TDRD12: variants seen among roughly 807,000 people sequenced by gnomAD.
TDRD12 encodes tudor domain containing 12, also known as putative ATP-dependent RNA helicase TDRD12.
TDRD12 carries 158 observed loss-of-function variants against 133.5 expected under a neutral mutation model. That is an observed-to-expected ratio of 1.18 (90% CI 1.04 to 1.35). The LOEUF is 1.35. Among genes scored for constraint, TDRD12 ranks in the 40% most tolerant of loss-of-function variants. The pLI, the probability that TDRD12 is intolerant of heterozygous loss-of-function variation, is 0.00. For missense variants in TDRD12, 1,443 were observed against 1,321.3 expected (o/e 1.09, Z -1.43); for synonymous variants, 460 against 477.9 (o/e 0.96, Z 0.49).
At chr19:32,731,695 T>C (rs748114602) in intron 1 of TDRD12, 30 bp from the exon 2 acceptor site, 1 of 1,514,588 alleles carries the variant, frequency 6.6e-7, no homozygotes, top group Non-Finnish European at 8.8e-7. Context: ...AATCATACGC[T>C]GTTCTGTTTG....
At chr19:32,813,601 A>G in intron 24 of TDRD12, 83 bp from the exon 25 acceptor site, 1 of 730,470 alleles carries the variant, frequency 1.4e-6, no homozygotes, top group South Asian at 1.8e-5. Flanking sequence ...AATGCATGGA[A>G]TATTTTGCAA....
At chr19:32,797,844 T>C (rs775338714) in exon 15 of TDRD12, 8 of 702,048 alleles carry the variant, frequency 1.1e-5, no homozygotes, top group South Asian at 4.5e-5. Flanking sequence ...CTATTAACAA[T>C]TGGGCTCCAT....
chr19:32,818,101 A>C (rs1323386362), exon 27 of TDRD12: 1 of 702,756 alleles, frequency 1.4e-6, no homozygotes, highest in Non-Finnish European at 2.6e-6. Context: ...CGAGGGTGAC[A>C]GGGACCAGTC....
chr19:32,812,687 A>G (rs1171843084), intron 24 of TDRD12, among the ~76,000 whole-genome samples: 1 of 152,224 alleles, frequency 6.6e-6, no homozygotes, highest in African/African-American at 2.4e-5. Context: ...TGACTGACCA[A>G]AAGTATTTCT....
At chr19:32,808,853 T>A (rs1966903084) in intron 22 of TDRD12, among the ~76,000 whole-genome samples, 1 of 152,226 alleles carries the variant, frequency 6.6e-6, no homozygotes, top group South Asian at 2.1e-4. Flanking sequence ...AAGGTTATAG[T>A]TTTGATCTGT....
At chr19:32,806,581 ATCCGCCC>A (rs1971557200) in intron 21 of TDRD12, among the ~76,000 whole-genome samples, 1 of 151,952 alleles carries the variant, frequency 6.6e-6, no homozygotes, top group South Asian at 2.1e-4. Flanking sequence ...ACCTCAAGTG[ATCCGCCC>A]TCCTCAGCCT....
intron 8 of TDRD12, among the ~76,000 whole-genome samples, chr19:32,759,910 C>T (rs1241792149): frequency 6.6e-6 from 1 of 152,246 alleles, no homozygotes; most frequent in Admixed American, 6.5e-5. Flanking sequence ...CATCGTGCAG[C>T]GTGCTTGGCT....
rs1241151465 is a variant in TDRD12, at chr19:32,724,421, G to A, written c.24+4325G>A. Among the ~76,000 whole-genome samples the A allele has an allele frequency of 2.0e-5, 3 of 152,038 alleles. No individual in the cohort carries two copies. In the East Asian group the frequency reaches 5.8e-4, roughly 29 times the overall value. On this transcript the variant is annotated intron_variant, in intron 1 of 27. Transcript: ENST00000444215. The stretch of plus-strand genomic sequence containing the variant: ...GCCCCAGTGTGTGGTTCCCCTCCCT[G>A]TGTCCATGTGTTCTCATTGTTCAGC...
At chr19:32,809,245 G>C (rs1363570249) in intron 22 of TDRD12, among the ~76,000 whole-genome samples, 1 of 152,060 alleles carries the variant, frequency 6.6e-6, no homozygotes, top group Non-Finnish European at 1.5e-5. Context: ...GGACAGTGTG[G>C]AGATTTCACA....
chr19:32,797,296 T>A (rs1400402886), intron 14 of TDRD12, among the ~76,000 whole-genome samples: 1 of 152,160 alleles, frequency 6.6e-6, no homozygotes, highest in African/African-American at 2.4e-5. Context: ...TCGTCTTTTT[T>A]AAGGCCCCTT....
chr19:32,818,978 G>T (rs989712097), intron 27 of TDRD12, among the ~76,000 whole-genome samples: 1 of 152,074 alleles, frequency 6.6e-6, no homozygotes, highest in African/African-American at 2.4e-5. Flanking sequence ...GTTAGTGGTT[G>T]TTGGTGACCT....
At chr19:32,722,178 C>CT (rs1003102617) in intron 1 of TDRD12, among the ~76,000 whole-genome samples, 1 of 152,176 alleles carries the variant, frequency 6.6e-6, no homozygotes, top group African/African-American at 2.4e-5. Flanking sequence ...CTCCTCCAGT[C>CT]AGATGTTGTC....
At chr19:32,770,377 T>G (rs901265069) in intron 8 of TDRD12, among the ~76,000 whole-genome samples, 1 of 152,172 alleles carries the variant, frequency 6.6e-6, no homozygotes, top group East Asian at 1.9e-4. Context: ...TCCTCTTGAA[T>G]TGACCATTTT....
At chr19:32,828,652 T>C (rs1967664004) in exon 10 of TDRD12, 1 of 152,208 alleles carries the variant, frequency 6.6e-6, no homozygotes, top group African/African-American at 2.4e-5. Flanking sequence ...CCCAGGCTTA[T>C]GTATGTCCCA....
chr19:32,815,099 T>C (rs1227409628), intron 25 of TDRD12, among the ~76,000 whole-genome samples: 1 of 151,934 alleles, frequency 6.6e-6, no homozygotes, highest in Non-Finnish European at 1.5e-5. Context: ...GAGGTAAAAG[T>C]AGTTGAGAAG....
At chr19:32,734,440 G>A (rs1397045752) in intron 2 of TDRD12, among the ~76,000 whole-genome samples, 2 of 150,218 alleles carry the variant, frequency 1.3e-5, no homozygotes, top group Admixed American at 6.7e-5. Context: ...ACTCTATCTC[G>A]GCTCACTGCA....
chr19:32,811,495 C>A, intron 24 of TDRD12, 75 bp downstream of exon 24: 2 of 1,347,104 alleles, frequency 1.5e-6, no homozygotes, highest in African/African-American at 1.4e-5. Flanking sequence ...AGAATTGAGG[C>A]CTGTCTGGAT....
chr19:32,748,694 T>A (rs1031103168), intron 5 of TDRD12, among the ~76,000 whole-genome samples, 163 bp downstream of exon 5: 3 of 152,234 alleles, frequency 2.0e-5, no homozygotes, highest in African/African-American at 4.8e-5. Flanking sequence ...AGTGCCACAG[T>A]AACTCTGCAC....
chr19:32,744,523 AAC>A lies in TDRD12; in HGVS notation c.440+1625_440+1626del, dbSNP rs1555763902. 1.1e-4 allele frequency among the ~76,000 whole-genome samples: 17 copies of A among 150,510 alleles called. 1 individual carries two copies. The highest frequency in any genetic ancestry group is 2.0e-4 in the African/African-American group (8 of 41,008). On this transcript the variant is annotated intron_variant, in intron 4 of 27. Coordinates refer to ENST00000444215, the Ensembl canonical transcript of TDRD12. ...TCAAAAAAAAAAAAAAAAAAAAAAA[AAC>A]AAAAGAATATAGATAAATCTGTATA...
Sources: allele counts gnomAD v4.1 joint callset (sites outside exome capture counted in the v4.1 genomes callset), GRCh38; gene constraint gnomAD v4.1.1; transcripts MANE v1.5; gene names NCBI Gene and HGNC (gene_info 2026-07-23, HGNC 2026-07-21).